Variants in ADRA1B observed in about 807,000 individuals in gnomAD.
The protein encoded by ADRA1B is alpha-1B adrenergic receptor.
In ADRA1B, 17 loss-of-function variants were observed where a neutral mutation model predicts 17.9. The observed-to-expected ratio is 0.95, with a 90% CI of 0.65 to 1.42. ADRA1B has a LOEUF of 1.42. Among genes scored for constraint, ADRA1B ranks in the 40% most tolerant of loss-of-function variants. ADRA1B has a pLI of 0.00. For synonymous variants in ADRA1B, 366 were observed against 327.6 expected (o/e 1.12, Z -1.27); for missense variants, 681 against 722.1 (o/e 0.94, Z 0.65).
intron 1 of ADRA1B, among the ~76,000 whole-genome samples, chr5:159,933,922 C>A (rs1057313865): frequency 6.6e-6 from 1 of 152,262 alleles, no homozygotes; most frequent in Non-Finnish European, 1.5e-5. Context: ...CAAGCTCACC[C>A]CTACCCCACC....
At chr5:159,911,194 G>C (rs1256628915) in intron 1 of ADRA1B, among the ~76,000 whole-genome samples, 1 of 152,152 alleles carries the variant, frequency 6.6e-6, no homozygotes, top group Non-Finnish European at 1.5e-5. Context: ...TGGGCAAAGT[G>C]ATAGTGGCAA....
intron 1 of ADRA1B, chr5:159,951,321 A>C: frequency 3.0e-6 from 4 of 1,339,496 alleles, no homozygotes; most frequent in Non-Finnish European, 4.2e-6. Context: ...CTCAGCCTTG[A>C]CAGTGCCATG....
At chr5:159,911,272 T>A (rs1047624528) in intron 1 of ADRA1B, among the ~76,000 whole-genome samples, 3 of 152,194 alleles carry the variant, frequency 2.0e-5, no homozygotes, top group African/African-American at 7.2e-5. Context: ...TCACCCTCGA[T>A]TCTGTAGCAG....
At chr5:159,950,319 G>A (rs1755398965) in intron 1 of ADRA1B, among the ~76,000 whole-genome samples, 1 of 152,116 alleles carries the variant, frequency 6.6e-6, no homozygotes, top group South Asian at 2.1e-4. Context: ...TTTATTGATA[G>A]TACATGACAA....
At chr5:159,964,878 C>A (rs1755745405) in intron 1 of ADRA1B, among the ~76,000 whole-genome samples, 1 of 152,210 alleles carries the variant, frequency 6.6e-6, no homozygotes, top group African/African-American at 2.4e-5. Context: ...AAGCAGTCAT[C>A]ATAGCTATAC....
intron 1 of ADRA1B, among the ~76,000 whole-genome samples, chr5:159,962,837 ATTTTTT>A (rs756263225): frequency 2.3e-5 from 1 of 43,018 alleles, no homozygotes; most frequent in South Asian, 9.4e-4. Context: ...ACACCTGGCT[ATTTTTT>A]TTTTTTTTTT....
At chr5:159,935,588 C>T (rs1205970733) in intron 1 of ADRA1B, among the ~76,000 whole-genome samples, 2 of 152,068 alleles carry the variant, frequency 1.3e-5, no homozygotes, top group Non-Finnish European at 2.9e-5. Flanking sequence ...GCTCTGTCAC[C>T]CAGGCTGGAG....
downstream of ADRA1B, among the ~76,000 whole-genome samples, chr5:159,977,377 A>C (rs1202158533): frequency 1.3e-5 from 2 of 152,134 alleles, no homozygotes; most frequent in African/African-American, 2.4e-5. Flanking sequence ...GCAGGTCAGC[A>C]AGCAATCCCT....
chr5:159,931,844 A>G (rs1339054934), intron 1 of ADRA1B, among the ~76,000 whole-genome samples: 1 of 152,210 alleles, frequency 6.6e-6, no homozygotes, highest in Non-Finnish European at 1.5e-5. Context: ...GATCCCATTT[A>G]TCAAAGTTCT....
At position 159,939,298 on chromosome 5, in the gene ADRA1B, T is replaced by A. The variant is rs1410766037; in HGVS notation, c.949+21444T>A. ...GAGAGAGTGTGTGTGTGTGTGTGTGTGTGTGTGTGTGTGTGTGTGTGTGTG... is the reference window on the plus strand; with the variant it reads ...GAGAGAGTGTGTGTGTGTGTGTGTGAGTGTGTGTGTGTGTGTGTGTGTGTG... On this transcript the variant is annotated intron_variant, in intron 1 of 1. Transcript: ENST00000306675. Among the ~76,000 whole-genome samples the A allele has an allele frequency of 5.9e-3, 843 of 142,056 alleles. 8 individuals are homozygous for A. Among genetic ancestry groups the A allele is most frequent in the African/African-American group, 0.02 (782 of 38,698 alleles). 93.2% of individuals were successfully genotyped at this position (142,056 alleles called of 152,430 possible).
At chr5:159,935,159 C>T (rs960897176) in intron 1 of ADRA1B, among the ~76,000 whole-genome samples, 2 of 152,088 alleles carry the variant, frequency 1.3e-5, no homozygotes, top group Non-Finnish European at 2.9e-5. Context: ...TTCCTTCTCA[C>T]TGAATAGTCG....
chr5:159,956,913 C>T (rs1409590234), intron 1 of ADRA1B, among the ~76,000 whole-genome samples: 1 of 152,050 alleles, frequency 6.6e-6, no homozygotes, highest in Non-Finnish European at 1.5e-5. Context: ...TGCTCTGTCA[C>T]CCAGGCTGGA....
chr5:159,957,258 C>T (rs1213999129), intron 1 of ADRA1B, among the ~76,000 whole-genome samples: 1 of 151,988 alleles, frequency 6.6e-6, no homozygotes, highest in Non-Finnish European at 1.5e-5. Context: ...AATCCCAGCA[C>T]TTTGAAAGAC....
the ADRA1B span, among the ~76,000 whole-genome samples, chr5:159,979,117 G>C: frequency 3.3e-5 from 5 of 152,132 alleles, no homozygotes; most frequent in African/African-American, 1.2e-4. Flanking sequence ...CTTGAGGCCA[G>C]TACTTTGAGA....
chr5:159,884,470 C>T (rs888844903), intron 1 of ADRA1B, among the ~76,000 whole-genome samples: 2 of 152,166 alleles, frequency 1.3e-5, no homozygotes, highest in African/African-American at 4.8e-5. Flanking sequence ...TGTTCTCTTG[C>T]CCTTTCCACT....
At chr5:159,945,609 G>A (rs1755247139) in intron 1 of ADRA1B, among the ~76,000 whole-genome samples, 2 of 152,188 alleles carry the variant, frequency 1.3e-5, no homozygotes, top group South Asian at 4.1e-4. Flanking sequence ...TGTCAGACAG[G>A]AAGGAAGCAT....
intron 1 of ADRA1B, among the ~76,000 whole-genome samples, chr5:159,969,885 A>G (rs900183075): frequency 3.3e-5 from 5 of 151,616 alleles, no homozygotes; most frequent in Non-Finnish European, 7.4e-5. Context: ...CTCTTTTTGC[A>G]TTTTTATATT....
chr5:159,911,435 C>T (rs1754227035), intron 1 of ADRA1B, among the ~76,000 whole-genome samples: 1 of 152,216 alleles, frequency 6.6e-6, no homozygotes, highest in African/African-American at 2.4e-5. Context: ...CCCCGCCTCA[C>T]TCCCCAGCTC....
the ADRA1B span, among the ~76,000 whole-genome samples, chr5:159,987,433 A>G: frequency 6.6e-6 from 1 of 152,188 alleles, no homozygotes; most frequent in Non-Finnish European, 1.5e-5. Context: ...CCTTACGTGC[A>G]GAGACTGGGA....
Sources: gnomAD v4.1 joint callset for allele counts (sites outside exome capture counted in the v4.1 genomes callset) on GRCh38, gnomAD v4.1.1 for gene constraint, MANE v1.5 for transcripts, NCBI Gene and HGNC (gene_info 2026-07-23, HGNC 2026-07-21) for gene names.